Variants in ERBB4 observed in about 807,000 individuals in gnomAD.
ERBB4 encodes the protein erb-b2 receptor tyrosine kinase 4.
A neutral mutation model predicts 158.0 loss-of-function variants in ERBB4; 42 were observed. That is an observed-to-expected ratio of 0.27 (90% confidence interval 0.21 to 0.34). The LOEUF (loss-of-function observed/expected upper bound fraction) is 0.34, where lower values mean the gene tolerates loss of function less well. Ranked by LOEUF, ERBB4 falls within the 10% of genes least tolerant of loss-of-function variation. The pLI, the probability that ERBB4 is intolerant of heterozygous loss-of-function variation, is 1.00. For missense variants in ERBB4, 1,333 were observed against 1,624.1 expected (o/e 0.82, Z 3.08); for synonymous variants, 583 against 558.7 (o/e 1.04, Z -0.61).
intron 1 of ERBB4, among the ~76,000 whole-genome samples, chr2:212,504,347 T>C (rs1392815942): frequency 2.6e-5 from 4 of 152,134 alleles, no homozygotes; most frequent in Admixed American, 1.3e-4. Context: ...GAATAACTAG[T>C]ATAGCAAGAT....
intron 1 of ERBB4, among the ~76,000 whole-genome samples, chr2:212,517,377 A>G (rs1199398426): frequency 6.6e-6 from 1 of 152,102 alleles, no homozygotes; most frequent in African/African-American, 2.4e-5. Context: ...CCTTTTCAGT[A>G]CAATATTTGG....
intron 1 of ERBB4, among the ~76,000 whole-genome samples, chr2:212,242,516 C>T (rs1394531768): frequency 6.6e-6 from 1 of 152,004 alleles, no homozygotes; most frequent in African/African-American, 2.4e-5. Context: ...AGCCCATAAA[C>T]TTGATCTTAT....
intron 16 of ERBB4, among the ~76,000 whole-genome samples, chr2:211,653,861 A>G (rs192537187): frequency 3.3e-5 from 5 of 151,988 alleles, no homozygotes; most frequent in African/African-American, 1.2e-4. Flanking sequence ...TTTTTAGTAG[A>G]GATGGGGTTT....
At chr2:211,939,277 C>A (rs1290881506) in intron 3 of ERBB4, among the ~76,000 whole-genome samples, 1 of 152,030 alleles carries the variant, frequency 6.6e-6, no homozygotes, top group Non-Finnish European at 1.5e-5. Flanking sequence ...GATCTAGATT[C>A]CAGCACAAGG....
At chr2:211,835,634 T>A (rs1351470633) in intron 3 of ERBB4, among the ~76,000 whole-genome samples, 1 of 152,078 alleles carries the variant, frequency 6.6e-6, no homozygotes, top group African/African-American at 2.4e-5. Flanking sequence ...AAAACATCAT[T>A]TCCACTCACC....
chr2:211,715,239 C>T (rs2073854092), intron 7 of ERBB4, among the ~76,000 whole-genome samples: 1 of 152,124 alleles, frequency 6.6e-6, no homozygotes, highest in African/African-American at 2.4e-5. Flanking sequence ...TGCAAAGAAT[C>T]CATGGGAGTG....
At chr2:212,532,081 C>A (rs908133554) in intron 1 of ERBB4, among the ~76,000 whole-genome samples, 1 of 152,138 alleles carries the variant, frequency 6.6e-6, no homozygotes, top group Non-Finnish European at 1.5e-5. Flanking sequence ...TGCAACATAA[C>A]CTTTTATTTG....
At chr2:212,291,780 A>T (rs1407787768) in intron 1 of ERBB4, among the ~76,000 whole-genome samples, 1 of 152,068 alleles carries the variant, frequency 6.6e-6, no homozygotes, top group Non-Finnish European at 1.5e-5. Flanking sequence ...ATCAAATTTA[A>T]CAGACTATAT....
At chr2:212,068,573 G>A (rs2078010883) in intron 2 of ERBB4, among the ~76,000 whole-genome samples, 1 of 151,952 alleles carries the variant, frequency 6.6e-6, no homozygotes, top group African/African-American at 2.4e-5. Flanking sequence ...CACACCAAAA[G>A]CTACCCTGAA....
At chr2:211,859,836 C>A (rs1449845225) in intron 3 of ERBB4, among the ~76,000 whole-genome samples, 1 of 152,068 alleles carries the variant, frequency 6.6e-6, no homozygotes, top group African/African-American at 2.4e-5. Context: ...CTTCAATGTC[C>A]AATAAGCAGA....
In ERBB4 at chr2:211,560,750, C is replaced by G. The variant is rs73075184; in HGVS notation, c.2487+1153G>C. 7.7e-3 allele frequency among the ~76,000 whole-genome samples: 1,179 copies of G among 152,158 alleles called. 12 individuals are homozygous for G. Among genetic ancestry groups the G allele is most frequent in the African/African-American group, 0.026 (1,097 of 41,524 alleles). ...AGTTGCAGTTATTACATAACAGTTA[C>G]AAAATTATAATACACAGTCCATAAG... is the stretch of plus-strand genomic sequence containing the variant. On this transcript the variant is annotated intron_variant, in intron 20 of 27. Transcript: ENST00000342788.
At chr2:212,405,430 T>C (rs957674897) in intron 1 of ERBB4, among the ~76,000 whole-genome samples, 7 of 152,058 alleles carry the variant, frequency 4.6e-5, no homozygotes, top group African/African-American at 1.7e-4. Context: ...GTACAGTGAT[T>C]CCTCAGAGAA....
At chr2:211,478,534 CCTT>C (rs2065011091) in intron 20 of ERBB4, among the ~76,000 whole-genome samples, 1 of 152,012 alleles carries the variant, frequency 6.6e-6, no homozygotes, top group Non-Finnish European at 1.5e-5. Context: ...AAGTCATTTC[CCTT>C]CTTCTTCCCA....
intron 18 of ERBB4, among the ~76,000 whole-genome samples, chr2:211,622,745 C>G (rs551915653): frequency 3.5e-4 from 53 of 150,764 alleles, no homozygotes; most frequent in African/African-American, 1.2e-3. Flanking sequence ...GCGGGTAGAT[C>G]ACTTGTCAGG....
At chr2:212,170,096 A>G (rs1298385628) in intron 1 of ERBB4, among the ~76,000 whole-genome samples, 2 of 152,172 alleles carry the variant, frequency 1.3e-5, no homozygotes, top group African/African-American at 4.8e-5. Context: ...GGAGGGCCCA[A>G]AAGAATACAG....
At chr2:211,645,011 G>C (rs1218673290) in intron 16 of ERBB4, among the ~76,000 whole-genome samples, 10 of 151,820 alleles carry the variant, frequency 6.6e-5, no homozygotes, top group African/African-American at 2.4e-4. Context: ...CAGTTATTGG[G>C]TCCTAAATTC....
At chr2:211,808,954 T>C (rs576034353) in intron 3 of ERBB4, among the ~76,000 whole-genome samples, 21 of 152,318 alleles carry the variant, frequency 1.4e-4, no homozygotes, top group African/African-American at 4.6e-4. Flanking sequence ...ACAGGAATGC[T>C]TGTGATATTT....
At chr2:212,441,312 A>T (rs2092249498) in intron 1 of ERBB4, among the ~76,000 whole-genome samples, 1 of 152,202 alleles carries the variant, frequency 6.6e-6, no homozygotes. Flanking sequence ...GTGCTGCCTG[A>T]GGCAACAGTG....
At chr2:211,887,245 C>T (rs531607072) in intron 3 of ERBB4, among the ~76,000 whole-genome samples, 4 of 138,658 alleles carry the variant, frequency 2.9e-5, no homozygotes, top group African/African-American at 1.2e-4. Context: ...TGAAAGATAA[C>T]AGAGGATTAC....
Sources: gnomAD v4.1 joint callset for allele counts (sites outside exome capture counted in the v4.1 genomes callset) on GRCh38, gnomAD v4.1.1 for gene constraint, MANE v1.5 for transcripts, NCBI Gene and HGNC (gene_info 2026-07-23, HGNC 2026-07-21) for gene names.